Variants in UBR1 observed in about 807,000 individuals in gnomAD.
UBR1 encodes E3 ubiquitin-protein ligase UBR1.
In UBR1, 102 loss-of-function variants were observed where a neutral mutation model predicts 242.1. The observed-to-expected ratio is 0.42, with a 90% CI of 0.36 to 0.50. The LOEUF (loss-of-function observed/expected upper bound fraction) is 0.50, where lower values mean the gene tolerates loss of function less well. Ranked by LOEUF, UBR1 falls within the 20% of genes least tolerant of loss-of-function variation. The pLI is 0.01. For synonymous variants in UBR1, 675 were observed against 684.8 expected, an observed-to-expected ratio of 0.99 and a Z score of 0.22; for missense variants, 1,772 against 2,101.8, an observed-to-expected ratio of 0.84 and a Z score of 3.07.
At chr15:43,075,197 T>A (rs1174556563) in intron 3 of UBR1, 108 bp from the exon 4 acceptor site, 74 of 912,722 alleles carry the variant, frequency 8.1e-5, no homozygotes, top group Non-Finnish European at 1.3e-4. Flanking sequence ...CAACCTTAAT[T>A]GAGTTCAATG....
chr15:43,020,425 C>T (rs574015612), intron 27 of UBR1, among the ~76,000 whole-genome samples: 9 of 152,320 alleles, frequency 5.9e-5, no homozygotes, highest in African/African-American at 2.2e-4. Flanking sequence ...CTTCGACATG[C>T]ACCTTAATCA....
At chr15:43,079,633 T>C (rs2033951235) in intron 3 of UBR1, among the ~76,000 whole-genome samples, 1 of 151,742 alleles carries the variant, frequency 6.6e-6, no homozygotes, top group Non-Finnish European at 1.5e-5. Flanking sequence ...ACAAAAAAAA[T>C]TAGCCGGGTA....
At chr15:42,947,212 C>T (rs1316827653) in intron 46 of UBR1, among the ~76,000 whole-genome samples, 1 of 152,162 alleles carries the variant, frequency 6.6e-6, no homozygotes, top group African/African-American at 2.4e-5. Context: ...TCACTGGACA[C>T]TACAAACTTA....
At chr15:42,948,065 T>C (rs1160266541) in intron 46 of UBR1, among the ~76,000 whole-genome samples, 1 of 152,168 alleles carries the variant, frequency 6.6e-6, no homozygotes, top group Non-Finnish European at 1.5e-5. Flanking sequence ...CAAAACAGCA[T>C]GGTACTGGTA....
chr15:43,009,327 G>A (rs1360137577), intron 29 of UBR1, among the ~76,000 whole-genome samples: 1 of 152,238 alleles, frequency 6.6e-6, no homozygotes, highest in East Asian at 1.9e-4. Context: ...CTTGCACAGA[G>A]CTGGCCCCTG....
rs576852052 is a variant in UBR1, at chr15:43,090,348, G to C, written c.82-4108C>G. On this transcript the variant is annotated intron_variant, in intron 1 of 46. Transcript: ENST00000290650. ...GGTGTGATTTTAGCATATTTTCATG[G>C]AATTCATTACTCTGCTTATCGAATG... 1.2e-3 allele frequency among the ~76,000 whole-genome samples: 187 copies of C among 152,072 alleles called. 1 individual carries two copies. The highest frequency in any genetic ancestry group is 4.4e-3 in the African/African-American group (181 of 41,500).
rs997399757 is a variant in UBR1 at position 43,020,724 on chromosome 15, C to G, written c.2940+551G>C. ...CATTGCCCACTTTTCCATCCCTCAC[C>G]CATTATGTTCCAGCCATACTGACCT... On this transcript the variant is annotated intron_variant, in intron 27 of 46. Transcript: ENST00000290650. 2.6e-5 allele frequency among the ~76,000 whole-genome samples: 4 copies of G among 152,218 alleles called. No homozygotes were observed. In the East Asian group the frequency reaches 7.7e-4, roughly 29 times the overall value.
At chr15:43,062,446 GA>G (rs1479996876) in intron 6 of UBR1, among the ~76,000 whole-genome samples, 5 of 152,192 alleles carry the variant, frequency 3.3e-5, no homozygotes, top group Middle Eastern at 3.4e-3. Flanking sequence ...AGAGGGAGGG[GA>G]AAAGGGGGAA....
At chr15:42,967,965 T>C (rs1315483220) in intron 40 of UBR1, among the ~76,000 whole-genome samples, 3 of 150,866 alleles carry the variant, frequency 2.0e-5, no homozygotes, top group Non-Finnish European at 1.5e-5. Flanking sequence ...ATATGTAGTA[T>C]GTACTGTTAT....
chr15:43,003,944 T>C lies in UBR1; in HGVS notation c.3416-14A>G, dbSNP rs2032764394. 1 of 1,611,754 alleles carries C rather than the reference T, an allele frequency of 6.2e-7. No homozygotes were observed. Among genetic ancestry groups the C allele is most frequent in the South Asian group, 1.1e-5 (1 of 91,030 alleles). On this transcript the variant is annotated splice_polypyrimidine_tract_variant and intron_variant, in intron 30 of 46. Coordinates refer to ENST00000290650, the MANE Select transcript of UBR1 (RefSeq NM_174916.3). The stretch of plus-strand genomic sequence containing the variant: ...GGTCTAGGGCTTCTGGTACAAGGTA[T>C]AAAAAGGAGGGAAAAAGAGAGACAG...
intron 20 of UBR1, 34 bp downstream of exon 20, chr15:43,032,534 T>G (rs774255032): frequency 7.0e-7 from 1 of 1,426,996 alleles, no homozygotes; most frequent in East Asian, 2.3e-5. Context: ...AAGTAACCCA[T>G]GTTCTATTTC....
intron 20 of UBR1, among the ~76,000 whole-genome samples, chr15:43,031,416 C>A (rs1469872987): frequency 6.6e-6 from 1 of 152,108 alleles, no homozygotes. Context: ...TTGAGTTTTC[C>A]TAATTTGAAA....
intron 35 of UBR1, 134 bp from the exon 36 acceptor site, chr15:42,985,076 T>A: frequency 1.3e-6 from 1 of 760,922 alleles, no homozygotes; most frequent in Non-Finnish European, 2.0e-6. Flanking sequence ...AAGTCTTGTG[T>A]TTTAAGTCTA....
chr15:43,041,834 C>A (rs2033423272), intron 15 of UBR1, among the ~76,000 whole-genome samples: 3 of 152,014 alleles, frequency 2.0e-5, no homozygotes, highest in Admixed American at 6.6e-5. Flanking sequence ...AACTGAACAG[C>A]AAAATTAAAC....
chr15:42,968,084 T>C (rs1165537754), intron 40 of UBR1, among the ~76,000 whole-genome samples: 2 of 152,144 alleles, frequency 1.3e-5, no homozygotes, highest in Non-Finnish European at 2.9e-5. Context: ...TGTAACTACA[T>C]GCATGCACTG....
rs778954996 is a variant in UBR1, at chr15:43,026,649, G to A, written c.2447C>T (p.Ser816Leu). The change falls in exon 23 of 47, where the codon TCA becomes TTA. Residue 816 changes from serine to leucine, a missense_variant. Physicochemically the swap from Ser to Leu is moderately radical, Grantham distance 145 (BLOSUM62 -2). Around this residue, in one of 3 missense-constraint regions of UBR1, gnomAD observed 73 missense variants for 128.9 expected, o/e 0.57. Coordinates refer to ENST00000290650, the MANE Select transcript of UBR1 (RefSeq NM_174916.3). ...TTTTAGTTCATAAACTCCATGGCCTGATACACCTGGTTTCCTAAATAGATG... is the reference window on the plus strand; with the variant it reads ...TTTTAGTTCATAAACTCCATGGCCTAATACACCTGGTTTCCTAAATAGATG... ...KVATFKKPGV[S>L]GHGVYELKDE... 1 of 1,612,536 alleles carries A rather than the reference G, an allele frequency of 6.2e-7. No homozygotes were observed.
intron 1 of UBR1, among the ~76,000 whole-genome samples, chr15:43,102,835 C>CTG (rs757597878): frequency 5.4e-4 from 82 of 152,084 alleles, no homozygotes; most frequent in Non-Finnish European, 1.1e-3. Context: ...CTCTTTTCCT[C>CTG]TGTGTGTGTG....
chr15:42,944,411 A>T lies in UBR1; in HGVS notation c.*918T>A, dbSNP rs2031699481. 1 of 152,478 alleles carries T rather than the reference A, an allele frequency of 6.6e-6. No individual in the cohort carries two copies. The allele number at this position is 152,478 out of a possible 1,614,324, so 9.4% of individuals were successfully genotyped here. A position where few individuals can be genotyped will look rare whatever the true frequency, so the allele number is the denominator to read the frequency against. On this transcript the variant is annotated 3_prime_UTR_variant, in exon 47 of 47. Coordinates refer to ENST00000290650, the MANE Select transcript of UBR1 (RefSeq NM_174916.3). ...GATTTGTCTTTTACAAAGATATAGA[A>T]GACTGCGGAATTGGTTTAAATCTGA...
chr15:43,026,599 T>C lies in UBR1; in HGVS notation c.2497A>G (p.Met833Val), dbSNP rs760971096. 1 of 1,613,460 alleles carries C rather than the reference T, an allele frequency of 6.2e-7. No individual in the cohort carries two copies. The highest frequency in any genetic ancestry group is 1.1e-5 in the South Asian group (1 of 91,070). Residue 833 changes from methionine to valine, a missense_variant, in exon 23 of 47, where the codon ATG becomes GTG. This residue lies in a region of UBR1 where 73 missense variants were observed against 128.9 expected (regional missense o/e 0.57). Transcript: ENST00000290650. ...GTTTTGGAGTAATGATAAAAGTACATATTGAAGTCTTTCAGTGATTCATCT... is the reference window on the plus strand; with the variant it reads ...GTTTTGGAGTAATGATAAAAGTACACATTGAAGTCTTTCAGTGATTCATCT... ...LKDESLKDFN[M>V]YFYHYSKTQH...
Sources: gnomAD v4.1 joint callset for allele counts (sites outside exome capture counted in the v4.1 genomes callset) on GRCh38, gnomAD v4.1.1 for gene constraint, gnomAD v4.1.1 regional missense constraint, MANE v1.5 for transcripts, NCBI Gene and HGNC (gene_info 2026-07-23, HGNC 2026-07-21) for gene names.